TNFRSF11A: variants seen among roughly 807,000 people sequenced by gnomAD.
The protein encoded by TNFRSF11A is tumor necrosis factor receptor superfamily member 11A.
A neutral mutation model predicts 55.7 loss-of-function variants in TNFRSF11A; 32 were observed. The observed-to-expected ratio is 0.57, with a 90% CI of 0.43 to 0.77. TNFRSF11A has a LOEUF of 0.77. Among genes scored for constraint, TNFRSF11A ranks in the 30% least tolerant of loss-of-function variants. The probability of loss-of-function intolerance (pLI) is 0.00; values close to 1 mark genes in which losing one functional copy is unlikely to be tolerated. For synonymous variants in TNFRSF11A, 311 were observed against 331.0 expected (o/e 0.94, Z 0.65); for missense variants, 753 against 809.8 (o/e 0.93, Z 0.85).
chr18:62,341,670 T>C (rs2145266964), intron 1 of TNFRSF11A, among the ~76,000 whole-genome samples: 1 of 152,274 alleles, frequency 6.6e-6, no homozygotes, highest in Admixed American at 6.5e-5. Flanking sequence ...AGAAAGGTCT[T>C]CAGCTTTGAA....
At chr18:62,339,007 C>A (rs572971782) in intron 1 of TNFRSF11A, among the ~76,000 whole-genome samples, 2 of 152,318 alleles carry the variant, frequency 1.3e-5, no homozygotes, top group East Asian at 3.9e-4. Context: ...CTCCTGCCTG[C>A]ACTTTTCGTC....
In TNFRSF11A at chr18:62,369,014, C is replaced by T; in HGVS notation, c.1097C>T (p.Pro366Leu). 1 of 1,614,256 alleles carries T rather than the reference C, an allele frequency of 6.2e-7. No individual in the cohort carries two copies. ...GACCAGTTACTGTTCCTCACTGAGC[C>T]TGGAAGCAAATCCACACCTCCTTTC... ...PTDQLLFLTE[P>L]GSKSTPPFSE... Residue 366 changes from proline to leucine, a missense_variant, in exon 9 of 10, where the codon CCT becomes CTT. By Grantham distance (98) the Pro-to-Leu change is moderately conservative. Around this residue, in one of 3 missense-constraint regions of TNFRSF11A, gnomAD observed 567 missense variants for 596.7 expected, o/e 0.95. Transcript: ENST00000586569.
rs116032791 is a variant in TNFRSF11A, at chr18:62,331,545, C to G, written c.75+6118C>G. On this transcript the variant is annotated intron_variant, in intron 1 of 9. Transcript: ENST00000586569. ...CTTGCAGGCTCTGACATCTAGAGAG[C>G]CATTGCCAGACCTAGAGATGTCTTG... Among the ~76,000 whole-genome samples, 512 of 152,242 alleles carry G rather than the reference C, an allele frequency of 3.4e-3. 2 individuals are homozygous for G. Among genetic ancestry groups the G allele is most frequent in the African/African-American group, 0.012 (495 of 41,558 alleles).
chr18:62,385,172 T>G lies in TNFRSF11A; in HGVS notation c.*138T>G. ...ACCACCCGGCATTCTCTGCCCACTT[T>G]GCCTTCCAGGAAATGGGCTTTTCAG... On this transcript the variant is annotated 3_prime_UTR_variant, in exon 10 of 10. Transcript: ENST00000586569. 1.9e-6 allele frequency: 2 copies of G among 1,045,464 alleles called. No individual in the cohort carries two copies. The highest frequency in any genetic ancestry group is 2.5e-6 in the Non-Finnish European group (2 of 787,034). 64.8% of individuals were successfully genotyped at this position (1,045,464 alleles called of 1,614,324 possible).
chr18:62,384,772 ACTCCACGTTCAT>A lies in TNFRSF11A; in HGVS notation c.1595_1606del (p.Thr532_Ser535del). On this transcript the variant is annotated inframe_deletion, in exon 10 of 10. Coordinates refer to ENST00000586569, the MANE Select transcript of TNFRSF11A (RefSeq NM_003839.4). ...GCAGGAAATGTGACTGGAAACAGTAACTCCACGTTCATCTCCAGCGGGCAGGTGATGAACTTC... is the reference window on the plus strand; with the variant it reads ...GCAGGAAATGTGACTGGAAACAGTAACTCCAGCGGGCAGGTGATGAACTTC... The A allele has an allele frequency of 6.2e-7, 1 of 1,612,244 alleles. No homozygotes were observed. Among genetic ancestry groups the A allele is most frequent in the Non-Finnish European group, 8.5e-7 (1 of 1,179,326 alleles).
chr18:62,379,225 A>T (rs1437105970), intron 9 of TNFRSF11A, among the ~76,000 whole-genome samples: 1 of 152,182 alleles, frequency 6.6e-6, no homozygotes, highest in Non-Finnish European at 1.5e-5. Context: ...TTATTGTAGT[A>T]GGTACTCAAT....
intron 9 of TNFRSF11A, chr18:62,378,271 T>G (rs904582243): frequency 6.6e-6 from 1 of 152,238 alleles, no homozygotes; most frequent in Non-Finnish European, 1.5e-5. Context: ...TTCTAAGCCT[T>G]GATCTACTCT....
Position 62,387,237 on chromosome 18 carries a change from CTAA to C in TNFRSF11A, c.*2205_*2207del, listed in dbSNP as rs1465395776. The stretch of plus-strand genomic sequence containing the variant: ...ATATTATTTCCTGCACTGATCCCTA[CTAA>C]TTCTATATTGATCCAAAGGCAACTC... On this transcript the variant is annotated 3_prime_UTR_variant, in exon 10 of 10. Coordinates refer to ENST00000586569, the MANE Select transcript of TNFRSF11A (RefSeq NM_003839.4). The C allele has an allele frequency of 6.6e-6, 1 of 152,166 alleles. No individual in the cohort carries two copies. The highest frequency in any genetic ancestry group is 6.5e-5 in the Admixed American group (1 of 15,276). The allele number at this position is 152,166 out of a possible 1,614,324, so 9.4% of individuals were successfully genotyped here. A position where few individuals can be genotyped will look rare whatever the true frequency, so the allele number is the denominator to read the frequency against.
intron 7 of TNFRSF11A, among the ~76,000 whole-genome samples, chr18:62,363,658 C>T (rs1909867325): frequency 6.6e-6 from 1 of 152,190 alleles, no homozygotes; most frequent in African/African-American, 2.4e-5. Flanking sequence ...TGAGCCACCG[C>T]ACCCAGCCAA....
intron 1 of TNFRSF11A, among the ~76,000 whole-genome samples, chr18:62,329,220 T>C (rs1049492501): frequency 5.7e-4 from 87 of 152,372 alleles, no homozygotes; most frequent in Middle Eastern, 6.8e-3. Flanking sequence ...TTTTGGCTGA[T>C]GTGAGTCTGC....
intron 8 of TNFRSF11A, 70 bp downstream of exon 8, chr18:62,366,830 C>T (rs1910117837): frequency 2.0e-6 from 3 of 1,475,026 alleles, no homozygotes; most frequent in Non-Finnish European, 2.9e-6. Context: ...CCATCCTAGT[C>T]ACATATTGAG....
chr18:62,373,604 TC>T (rs1238610168), intron 9 of TNFRSF11A, among the ~76,000 whole-genome samples: 58 of 152,308 alleles, frequency 3.8e-4, no homozygotes, highest in Non-Finnish European at 1.3e-4. Context: ...TCCTGTTTGT[TC>T]CCCCAAGTCA....
Position 62,348,170 on chromosome 18 carries a change from G to A in TNFRSF11A, c.78G>A (p.Val26=), listed in dbSNP as rs2046413142. 1 of 1,613,930 alleles carries A rather than the reference G, an allele frequency of 6.2e-7. No homozygotes were observed. The change falls in exon 2 of 10, where the codon GTG becomes GTA. Residue 26 remains valine, a splice_region_variant and synonymous_variant. Coordinates refer to ENST00000586569, the MANE Select transcript of TNFRSF11A (RefSeq NM_003839.4). ...CCTGACCTCAGTGTTCTTTTCAGGT[G>A]GCTTTGCAGATCGCTCCTCCATGTA... The part of the protein sequence containing the change: ...LLCALLARLQ[V]ALQIAPPCTS...
At chr18:62,380,095 A>G (rs904873087) in intron 9 of TNFRSF11A, among the ~76,000 whole-genome samples, 2 of 152,214 alleles carry the variant, frequency 1.3e-5, no homozygotes, top group African/African-American at 4.8e-5. Context: ...GCAAAAATTA[A>G]TAAGAATTTC....
At chr18:62,333,799 C>T (rs895825367) in intron 1 of TNFRSF11A, among the ~76,000 whole-genome samples, 5 of 151,994 alleles carry the variant, frequency 3.3e-5, no homozygotes, top group South Asian at 4.1e-4. Context: ...CATGCAAATG[C>T]GTGCCCAGTC....
intron 4 of TNFRSF11A, among the ~76,000 whole-genome samples, chr18:62,356,815 T>C (rs57758522): frequency 0.24 from 36,439 of 152,042 alleles, 5,861 homozygotes; most frequent in East Asian, 0.57. Flanking sequence ...TTTTGTGAAA[T>C]GGGAAAAGTG....
intron 8 of TNFRSF11A, among the ~76,000 whole-genome samples, chr18:62,367,695 G>A (rs1206014628): frequency 1.3e-5 from 2 of 150,914 alleles, no homozygotes. Flanking sequence ...ATTTAACAAT[G>A]GTACAATACT....
At chr18:62,350,872 C>T (rs1446643209) in intron 3 of TNFRSF11A, among the ~76,000 whole-genome samples, 2 of 152,030 alleles carry the variant, frequency 1.3e-5, no homozygotes, top group Non-Finnish European at 2.9e-5. Flanking sequence ...TTTCCTTTTT[C>T]CATTGAGCTC....
intron 9 of TNFRSF11A, among the ~76,000 whole-genome samples, chr18:62,373,473 G>T (rs539340381): frequency 6.6e-6 from 1 of 151,828 alleles, no homozygotes; most frequent in South Asian, 2.1e-4. Flanking sequence ...AGAAAGAAAA[G>T]AAAAAAGGGA....
Sources: allele counts gnomAD v4.1 joint callset (sites outside exome capture counted in the v4.1 genomes callset), GRCh38; gene constraint gnomAD v4.1.1; regional missense constraint gnomAD v4.1.1; transcripts MANE v1.5; gene names NCBI Gene and HGNC (gene_info 2026-07-23, HGNC 2026-07-21).